The following CILP variants were observed in gnomAD, a reference collection of about 807,000 sequenced individuals.
The protein encoded by CILP is cartilage intermediate layer protein 1.
A neutral mutation model predicts 82.5 loss-of-function variants in CILP; 75 were observed. The observed-to-expected ratio is 0.91, with a 90% CI of 0.75 to 1.10. CILP has a LOEUF of 1.10. Ranked by LOEUF, CILP falls within the 50% of genes least tolerant of loss-of-function variation. The pLI, the probability that CILP is intolerant of heterozygous loss-of-function variation, is 0.00. For missense variants in CILP, 1,479 were observed against 1,530.8 expected (o/e 0.97, Z 0.56); for synonymous variants, 530 against 580.3 (o/e 0.91, Z 1.25).
chr15:65,205,268 C>T lies in CILP; in HGVS notation c.604+19G>A, dbSNP rs752759156. 7 of 1,581,000 alleles carry T rather than the reference C, an allele frequency of 4.4e-6. No individual in the cohort carries two copies. In the South Asian group the frequency reaches 4.5e-5, roughly 10 times the overall value. Reference sequence around the variant, plus strand: ...CTCACCCACCACACCCTGCCCAGTGCCAGGAGGGAGGGTGGTACCTGTACA... The same window carrying T: ...CTCACCCACCACACCCTGCCCAGTGTCAGGAGGGAGGGTGGTACCTGTACA... On this transcript the variant is annotated intron_variant, in intron 5 of 8. Coordinates refer to ENST00000261883, the MANE Select transcript of CILP (RefSeq NM_003613.4).
Position 65,197,871 on chromosome 15 carries a change from C to G in CILP, c.2415G>C (p.Gly805=). ...CATCACAGAAGGCAGGCACACAGGC[C>G]CCGTTGGGGCCTGTGATGACACTGT... The part of the protein sequence containing the change: ...RFDSVITGPN[G]ACVPAFCDDQ... Residue 805 remains glycine (G), a synonymous_variant, in exon 9 of 9, where the codon GGG becomes GGC. Transcript: ENST00000261883. 1.2e-6 allele frequency: 2 copies of G among 1,612,826 alleles called. No individual in the cohort carries two copies. The highest frequency in any genetic ancestry group is 2.2e-5 in the South Asian group (2 of 90,976).
At position 65,198,334 on chromosome 15, in the gene CILP, G is replaced by T; in HGVS notation, c.1952C>A (p.Thr651Asn). ...CATGCCATACGTCCGAAGGGGGAAA[G>T]TGTCTCCTTCGTCATTGATGAAGTT... ...DLNFINDEGD[T>N]FPLRTYGMFS... The change falls in exon 9 of 9, where the codon ACT (threonine) becomes AAT (asparagine). Residue 651 changes from threonine (T) to asparagine (N), a missense_variant. Thr to Asn is a moderately conservative substitution (Grantham distance 65). Transcript: ENST00000261883. 1 of 1,614,258 alleles carries T rather than the reference G, an allele frequency of 6.2e-7. No individual in the cohort carries two copies. The highest frequency in any genetic ancestry group is 1.1e-5 in the South Asian group (1 of 91,086).
Position 65,199,098 on chromosome 15 carries a change from T to C in CILP, c.1188A>G (p.Ala396=). 1 of 1,583,436 alleles carries C rather than the reference T, an allele frequency of 6.3e-7. No homozygotes were observed. Among genetic ancestry groups the C allele is most frequent in the Non-Finnish European group, 8.5e-7 (1 of 1,171,722 alleles). The stretch of plus-strand genomic sequence containing the variant: ...CTGGGTTGCAAGGAGTCTCATCAGA[T>C]GCTGTGTAGGGAAATGGTGTGGAAA... The part of the protein sequence containing the change: ...KSKVAQLIVI[A]SDETPCNPVP... Residue 396 remains alanine, a splice_region_variant and synonymous_variant, in exon 9 of 9, where the codon GCA becomes GCG. Coordinates refer to ENST00000261883, the MANE Select transcript of CILP (RefSeq NM_003613.4).
At position 65,209,858 on chromosome 15, in the gene CILP, T is replaced by G. The variant is rs1008805652; in HGVS notation, c.-103A>C. 4.4e-6 allele frequency: 4 copies of G among 918,374 alleles called. No homozygotes were observed. In the African/African-American group the frequency reaches 6.6e-5, roughly 15 times the overall value. 56.9% of individuals were successfully genotyped at this position (918,374 alleles called of 1,614,324 possible). A position where few individuals can be genotyped will look rare whatever the true frequency, so the allele number is the denominator to read the frequency against. Reference sequence around the variant, plus strand: ...CCCCTGGGAAGTTTCTCAGATCCAGTGACCTGTAAAGAAACAAAGCTTGTC... The same window carrying G: ...CCCCTGGGAAGTTTCTCAGATCCAGGGACCTGTAAAGAAACAAAGCTTGTC... On this transcript the variant is annotated 5_prime_UTR_variant, in exon 2 of 9. Transcript: ENST00000261883.
rs1157974822 is a variant in CILP, at chr15:65,195,417, C to T, written c.*1314G>A. 1.3e-5 allele frequency: 2 copies of T among 152,320 alleles called. No homozygotes were observed. The highest frequency in any genetic ancestry group is 1.9e-4 in the East Asian group (1 of 5,184). 9.4% of individuals were successfully genotyped at this position (152,320 alleles called of 1,614,324 possible). On this transcript the variant is annotated 3_prime_UTR_variant, in exon 9 of 9. Transcript: ENST00000261883. Reference sequence around the variant, plus strand: ...CACCCCACTACCCTGACTGTAATGCCGCTGAGATCGCTCTGGCACCACCTA... The same window carrying T: ...CACCCCACTACCCTGACTGTAATGCTGCTGAGATCGCTCTGGCACCACCTA...
intron 4 of CILP, among the ~76,000 whole-genome samples, 177 bp downstream of exon 4, chr15:65,206,605 G>T (rs780247917): frequency 7.9e-5 from 12 of 152,170 alleles, no homozygotes; most frequent in Non-Finnish European, 1.5e-4. Flanking sequence ...GACACTACTT[G>T]TTATTATTAC....
intron 2 of CILP, among the ~76,000 whole-genome samples, chr15:65,208,546 CCA>C (rs2140683761): frequency 1.3e-5 from 2 of 152,260 alleles, no homozygotes; most frequent in South Asian, 4.1e-4. Context: ...CCTTGGGAGT[CCA>C]CTCTCCCATA....
In CILP at chr15:65,197,456, A is replaced by G. The variant is rs766609086; in HGVS notation, c.2830T>C (p.Trp944Arg). 1 of 1,614,222 alleles carries G rather than the reference A, an allele frequency of 6.2e-7. No individual in the cohort carries two copies. The highest frequency in any genetic ancestry group is 8.5e-7 in the Non-Finnish European group (1 of 1,180,038). ...PMSWTEDYLA[W>R]WPKPMEFRAC... The stretch of plus-strand genomic sequence containing the variant: ...CTGAATTCCATCGGCTTTGGCCACC[A>G]TGCCAGATAGTCTTCAGTCCAGCTC... Residue 944 changes from tryptophan (W) to arginine (R), a missense_variant, in exon 9 of 9, where the codon TGG becomes CGG. Coordinates refer to ENST00000261883, the MANE Select transcript of CILP (RefSeq NM_003613.4).
In CILP at chr15:65,204,951, G is replaced by A. The variant is rs181621037; in HGVS notation, c.604+336C>T. On this transcript the variant is annotated intron_variant, in intron 5 of 8. Transcript: ENST00000261883. ...GTAGAATCCCTTAAACCCAGGAGGCGGAGGCTGGAGTAAGCCAAGATTGCG... is the reference window on the plus strand; with the variant it reads ...GTAGAATCCCTTAAACCCAGGAGGCAGAGGCTGGAGTAAGCCAAGATTGCG... 1.2e-3 allele frequency among the ~76,000 whole-genome samples: 182 copies of A among 152,190 alleles called. 1 individual carries two copies. The highest frequency in any genetic ancestry group is 4.1e-3 in the African/African-American group (170 of 41,524).
At chr15:65,202,900 A>C (rs2088476073) in intron 7 of CILP, among the ~76,000 whole-genome samples, 1 of 138,112 alleles carries the variant, frequency 7.2e-6, no homozygotes, top group African/African-American at 2.8e-5. Flanking sequence ...CAGTGGTGTG[A>C]TCACAGCTCA....
chr15:65,207,548 G>T lies in CILP; in HGVS notation c.154+124C>A, dbSNP rs538245742. 36 of 765,462 alleles carry T rather than the reference G, an allele frequency of 4.7e-5. No individual in the cohort carries two copies. In the African/African-American group the frequency reaches 5.7e-4, roughly 12 times the overall value. The allele number at this position is 765,462 out of a possible 1,614,324, so 47.4% of individuals were successfully genotyped here. A position where few individuals can be genotyped will look rare whatever the true frequency, so the allele number is the denominator to read the frequency against. ...GTTCCTTGGCTGGACAGAGATGGAG[G>T]CCAAATGCTTGTAAAAGTGGGTTTC... On this transcript the variant is annotated intron_variant, in intron 3 of 8. Transcript: ENST00000261883.
chr15:65,196,416 C>A lies in CILP; in HGVS notation c.*315G>T. The A allele has an allele frequency of 3.8e-6, 1 of 260,596 alleles. No individual in the cohort carries two copies. The highest frequency in any genetic ancestry group is 7.6e-5 in the East Asian group (1 of 13,090). The allele number at this position is 260,596 out of a possible 1,614,324, so 16.1% of individuals were successfully genotyped here. A position where few individuals can be genotyped will look rare whatever the true frequency, so the allele number is the denominator to read the frequency against. On this transcript the variant is annotated 3_prime_UTR_variant, in exon 9 of 9. Coordinates refer to ENST00000261883, the MANE Select transcript of CILP (RefSeq NM_003613.4). ...ATCACTATTGCAGAGGTGGGCAAAACCATGCAAAAAGAAGAGGAAGTATAT... is the reference window on the plus strand; with the variant it reads ...ATCACTATTGCAGAGGTGGGCAAAAACATGCAAAAAGAAGAGGAAGTATAT...
rs1331194672 is a variant in CILP, at chr15:65,204,473, G to A, written c.714C>T (p.Ala238=). 2 of 1,614,048 alleles carry A rather than the reference G, an allele frequency of 1.2e-6. No homozygotes were observed. Among genetic ancestry groups the A allele is most frequent in the Non-Finnish European group, 8.5e-7 (1 of 1,179,994 alleles). ...TCAGGAGGTAGATAGCAGCCCCTGA[G>A]GCTGGGGCACCTCCGGGAAGGGAGA... ...GAVSLPGGAP[A]SGAAIYLLTK... Residue 238 remains alanine (A), a synonymous_variant, in exon 6 of 9, where the codon GCC becomes GCT. Coordinates refer to ENST00000261883, the MANE Select transcript of CILP (RefSeq NM_003613.4).
Position 65,198,541 on chromosome 15 carries a change from A to G in CILP, c.1745T>C (p.Met582Thr), listed in dbSNP as rs2140672093. 3 of 1,614,206 alleles carry G rather than the reference A, an allele frequency of 1.9e-6. No homozygotes were observed. The highest frequency in any genetic ancestry group is 2.5e-6 in the Non-Finnish European group (3 of 1,180,010). ...RRKKPITLEA[M>T]ETNIIPLGEV... is the part of the protein sequence containing the mutation. The stretch of plus-strand genomic sequence containing the variant: ...CCCCAGGGGGATGATGTTGGTCTCC[A>G]TGGCTTCCAAAGTGATGGGCTTTTT... The change falls in exon 9 of 9, where the codon ATG (methionine) becomes ACG (threonine). Residue 582 changes from methionine to threonine, a missense_variant. Transcript: ENST00000261883.
rs1000410232 is a variant in CILP, at chr15:65,196,537, G to A, written c.*194C>T. The A allele has an allele frequency of 2.1e-6, 1 of 469,808 alleles. No individual in the cohort carries two copies. Among genetic ancestry groups the A allele is most frequent in the African/African-American group, 2.0e-5 (1 of 50,738 alleles). 29.1% of individuals were successfully genotyped at this position (469,808 alleles called of 1,614,324 possible). ...TCATTTAAAGAACAGTTTCACAAAG[G>A]GGCTTTATTGTGCCATTGTGGGGGC... On this transcript the variant is annotated 3_prime_UTR_variant, in exon 9 of 9. Transcript: ENST00000261883.
chr15:65,197,714 T>C lies in CILP; in HGVS notation c.2572A>G (p.Asn858Asp). Reference sequence around the variant, plus strand: ...TCCTCATGGTCCGTCCGACGGTAGTTGAGCTTGTTGAGATAGGGCTGAGGG... The same window carrying C: ...TCCTCATGGTCCGTCCGACGGTAGTCGAGCTTGTTGAGATAGGGCTGAGGG... Reference protein sequence around the residue: ...GVPQPYLNKLNYRRTDHEDPR... With the variant: ...GVPQPYLNKLDYRRTDHEDPR... Residue 858 changes from asparagine (N) to aspartate (D), a missense_variant, in exon 9 of 9, where the codon AAC becomes GAC. Asn to Asp is a conservative substitution (Grantham distance 23). Transcript: ENST00000261883. 1.2e-6 allele frequency: 2 copies of C among 1,613,036 alleles called. No individual in the cohort carries two copies. Among genetic ancestry groups the C allele is most frequent in the Non-Finnish European group, 1.7e-6 (2 of 1,180,026 alleles).
Position 65,197,270 on chromosome 15 carries a change from G to A in CILP, c.3016C>T (p.Leu1006=), listed in dbSNP as rs769223424. 4 of 1,613,954 alleles carry A rather than the reference G, an allele frequency of 2.5e-6. No homozygotes were observed. The African/African-American group carries it at 5.3e-5, about 22-fold the overall frequency. ...RDQPNVSAAC[L]EFKCSGMLYD... ...AGCATCCCACTGCACTTGAACTCCA[G>A]ACAGGCAGCTGAGACATTGGGCTGG... The change falls in exon 9 of 9, where the codon CTG becomes TTG. Residue 1006 remains leucine (L), a synonymous_variant. Transcript: ENST00000261883.
intron 8 of CILP, among the ~76,000 whole-genome samples, chr15:65,201,151 G>A (rs181234494): frequency 6.6e-6 from 1 of 152,130 alleles, no homozygotes; most frequent in African/African-American, 2.4e-5. Flanking sequence ...ACAGGCGCAC[G>A]CCACCATGCC....
In CILP at chr15:65,206,976, A is replaced by G; in HGVS notation, c.230T>C (p.Ile77Thr). 2 of 1,614,002 alleles carry G rather than the reference A, an allele frequency of 1.2e-6. No homozygotes were observed. The highest frequency in any genetic ancestry group is 8.5e-7 in the Non-Finnish European group (1 of 1,179,996). Residue 77 changes from isoleucine to threonine, a missense_variant, in exon 4 of 9, where the codon ATT becomes ACT. By Grantham distance (89) the Ile-to-Thr change is moderately conservative. Coordinates refer to ENST00000261883, the MANE Select transcript of CILP (RefSeq NM_003613.4). The stretch of plus-strand genomic sequence containing the variant: ...TACACGGTCCCCATAGTAGAAGCGA[A>G]TGGCGTCCAGCCGCTCATAGTCGCC... ...GKGDYERLDA[I>T]RFYYGDRVCA... is the part of the protein sequence containing the mutation.
Sources: gnomAD v4.1 joint callset for allele counts (sites outside exome capture counted in the v4.1 genomes callset) on GRCh38, gnomAD v4.1.1 for gene constraint, MANE v1.5 for transcripts, NCBI Gene and HGNC (gene_info 2026-07-23, HGNC 2026-07-21) for gene names.